The following HPSE2 variants were observed in gnomAD, a reference collection of about 807,000 sequenced individuals.
The protein encoded by HPSE2 is inactive heparanase-2.
In HPSE2, 38 loss-of-function variants were observed where a neutral mutation model predicts 60.5. The observed-to-expected ratio is 0.63, with a 90% CI of 0.48 to 0.82. HPSE2 has a LOEUF of 0.82. HPSE2 is among the 40% of genes least tolerant of loss of function. The probability of loss-of-function intolerance (pLI) is 0.00; values close to 1 mark genes in which losing one functional copy is unlikely to be tolerated. For synonymous variants in HPSE2, 295 were observed against 293.2 expected (o/e 1.01, Z -0.06); for missense variants, 713 against 740.4 (o/e 0.96, Z 0.43).
intron 2 of HPSE2, among the ~76,000 whole-genome samples, chr10:99,212,904 G>A (rs548939886): frequency 6.6e-6 from 1 of 152,216 alleles, no homozygotes; most frequent in East Asian, 1.9e-4. Flanking sequence ...GAATGTTTTT[G>A]CCAGTTAAAT....
intron 3 of HPSE2, among the ~76,000 whole-genome samples, chr10:98,940,364 G>C (rs1289265956): frequency 8.2e-4 from 111 of 135,850 alleles, no homozygotes; most frequent in Admixed American, 1.7e-3. Context: ...AAAGAGAGAA[G>C]AATCAAATAG....
intron 3 of HPSE2, among the ~76,000 whole-genome samples, chr10:98,954,044 G>A (rs558088734): frequency 1.7e-4 from 26 of 152,218 alleles, no homozygotes; most frequent in African/African-American, 5.1e-4. Flanking sequence ...GGTGGCTCAC[G>A]CCTGTAATCC....
At chr10:98,493,838 A>G (rs1941741541) in intron 9 of HPSE2, among the ~76,000 whole-genome samples, 1 of 152,154 alleles carries the variant, frequency 6.6e-6, no homozygotes, top group Non-Finnish European at 1.5e-5. Context: ...GCTGTTTTCT[A>G]TGTTACAGCT....
intron 3 of HPSE2, among the ~76,000 whole-genome samples, chr10:98,965,419 G>A (rs1265803271): frequency 1.4e-5 from 2 of 140,160 alleles, no homozygotes; most frequent in Non-Finnish European, 3.2e-5. Flanking sequence ...TCAAATAGTT[G>A]GGGTAAATAC....
intron 9 of HPSE2, among the ~76,000 whole-genome samples, chr10:98,568,276 T>C (rs1444104532): frequency 6.6e-6 from 1 of 152,192 alleles, no homozygotes; most frequent in Admixed American, 6.5e-5. Context: ...TTTAAGTGTA[T>C]GATCCCGAGC....
intron 7 of HPSE2, among the ~76,000 whole-genome samples, chr10:98,627,227 C>T (rs1266240680): frequency 6.6e-6 from 1 of 152,084 alleles, no homozygotes; most frequent in East Asian, 1.9e-4. Context: ...AGCCCTACTA[C>T]TTGGGAGGCT....
At chr10:98,860,690 T>G (rs954926269) in intron 3 of HPSE2, among the ~76,000 whole-genome samples, 4 of 152,190 alleles carry the variant, frequency 2.6e-5, no homozygotes, top group Non-Finnish European at 4.4e-5. Context: ...TATTAACTAC[T>G]AACCACAAGG....
intron 11 of HPSE2, among the ~76,000 whole-genome samples, chr10:98,481,967 A>G (rs1941253948): frequency 6.6e-6 from 1 of 152,138 alleles, no homozygotes; most frequent in Non-Finnish European, 1.5e-5. Context: ...TCTCTAATAG[A>G]GACTGAGGGA....
chr10:99,170,342 AAT>A (rs1189397728), intron 2 of HPSE2, among the ~76,000 whole-genome samples: 17 of 152,208 alleles, frequency 1.1e-4, no homozygotes, highest in African/African-American at 4.1e-4. Flanking sequence ...GATATCCATG[AAT>A]ATTCAAGTCT....
chr10:99,315,876 A>G, the HPSE2 span, among the ~76,000 whole-genome samples: 2 of 152,112 alleles, frequency 1.3e-5, no homozygotes, highest in African/African-American at 4.8e-5. Flanking sequence ...TTTTCTTGGG[A>G]TAGTCCCTCC....
chr10:98,737,630 C>T (rs1949391512), intron 4 of HPSE2, among the ~76,000 whole-genome samples: 1 of 152,144 alleles, frequency 6.6e-6, no homozygotes, highest in Admixed American at 6.6e-5. Context: ...AGCAAAGTCT[C>T]AGGATACAAA....
At chr10:99,093,030 C>T (rs1367971812) in intron 3 of HPSE2, among the ~76,000 whole-genome samples, 2 of 152,088 alleles carry the variant, frequency 1.3e-5, no homozygotes, top group Non-Finnish European at 2.9e-5. Context: ...GAGTTTGAGA[C>T]CAGCCTGGCC....
intron 3 of HPSE2, among the ~76,000 whole-genome samples, chr10:99,038,663 C>T (rs570336464): frequency 4.7e-4 from 72 of 152,166 alleles, no homozygotes; most frequent in Non-Finnish European, 7.9e-4. Context: ...TATACACACA[C>T]TTCATACCAA....
rs1457677305 is a variant in HPSE2 at position 99,126,286 on chromosome 10, C to T, written c.610+17952G>A. On this transcript the variant is annotated intron_variant, in intron 3 of 11. Coordinates refer to ENST00000370552, the MANE Select transcript of HPSE2 (RefSeq NM_021828.5). This position sits in a 1 kb window ranked among gnomAD's most constrained non-coding sequence, Gnocchi z 4.0. ...GGCCTGAGAACCACAACCAATCCCC[C>T]ACAGTGGCCGCAGCAAGCCTTGCCC... Among the ~76,000 whole-genome samples, 1 of 152,146 alleles carries T rather than the reference C, an allele frequency of 6.6e-6. No homozygotes were observed. Among genetic ancestry groups the T allele is most frequent in the Non-Finnish European group, 1.5e-5 (1 of 68,032 alleles).
chr10:98,624,591 G>T (rs909307212), intron 7 of HPSE2, among the ~76,000 whole-genome samples: 1 of 152,110 alleles, frequency 6.6e-6, no homozygotes, highest in Non-Finnish European at 1.5e-5. Flanking sequence ...GCTGCTATGA[G>T]ATCATATATA....
chr10:99,056,473 A>C (rs1040670307), intron 3 of HPSE2, among the ~76,000 whole-genome samples: 1 of 152,148 alleles, frequency 6.6e-6, no homozygotes, highest in Non-Finnish European at 1.5e-5. Flanking sequence ...CTGATGCAAA[A>C]ATCTGACAAG....
chr10:98,499,123 A>G (rs1045671594), intron 9 of HPSE2, among the ~76,000 whole-genome samples: 1 of 152,198 alleles, frequency 6.6e-6, no homozygotes, highest in Admixed American at 6.5e-5. Context: ...CTAGAGACCT[A>G]AACACCCAAA....
At chr10:99,078,558 G>A (rs1843023457) in intron 3 of HPSE2, among the ~76,000 whole-genome samples, 1 of 151,934 alleles carries the variant, frequency 6.6e-6, no homozygotes, top group East Asian at 1.9e-4. Flanking sequence ...CTTTAAACAT[G>A]CATATATTGC....
chr10:99,144,517 T>A, intron 2 of HPSE2, 118 bp from the exon 3 acceptor site: 1 of 1,206,150 alleles, frequency 8.3e-7, no homozygotes, highest in Non-Finnish European at 1.2e-6. Flanking sequence ...AGCATTTTCA[T>A]CAACCTAAAG....
Sources: gnomAD v4.1 joint callset for allele counts (sites outside exome capture counted in the v4.1 genomes callset) on GRCh38, gnomAD v4.1.1 for gene constraint, Gnocchi (gnomAD v3.1) non-coding constraint, MANE v1.5 for transcripts, NCBI Gene and HGNC (gene_info 2026-07-23, HGNC 2026-07-21) for gene names.